The following SLC9A4 variants were observed in gnomAD, a reference collection of about 807,000 sequenced individuals.
SLC9A4 encodes sodium/hydrogen exchanger 4.
Under a neutral mutation model 67.4 loss-of-function variants are expected in SLC9A4, and 63 were observed. That is an observed-to-expected ratio of 0.93 (90% confidence interval 0.76 to 1.15). The LOEUF (loss-of-function observed/expected upper bound fraction) is 1.15, where lower values mean the gene tolerates loss of function less well. SLC9A4 is among the 50% of genes most tolerant of loss of function. SLC9A4 has a pLI of 0.00. For missense variants in SLC9A4, 1,089 were observed against 987.7 expected (o/e 1.10, Z -1.38); for synonymous variants, 393 against 367.2 (o/e 1.07, Z -0.80).
At chr2:102,529,836 C>T (rs1416373976) in intron 11 of SLC9A4, among the ~76,000 whole-genome samples, 4 of 152,168 alleles carry the variant, frequency 2.6e-5, no homozygotes, top group African/African-American at 9.7e-5. Context: ...CTTGGAGCTC[C>T]ATGCTGGTTT....
chr2:102,476,286 T>C (rs1684330849), intron 1 of SLC9A4, among the ~76,000 whole-genome samples: 1 of 152,250 alleles, frequency 6.6e-6, no homozygotes, highest in Non-Finnish European at 1.5e-5. Flanking sequence ...GGGAAGAACA[T>C]AATTGTAGGG....
chr2:102,491,984 A>G (rs2104423605), intron 2 of SLC9A4, among the ~76,000 whole-genome samples: 1 of 152,374 alleles, frequency 6.6e-6, no homozygotes, highest in East Asian at 1.9e-4. Flanking sequence ...TGCAAGTCCA[A>G]AATCCAGAAG....
intron 11 of SLC9A4, among the ~76,000 whole-genome samples, chr2:102,530,729 C>G (rs1420546953): frequency 6.6e-6 from 1 of 152,020 alleles, no homozygotes; most frequent in Non-Finnish European, 1.5e-5. Flanking sequence ...TGGTCCCAGG[C>G]CTTGTTGTAG....
intron 8 of SLC9A4, among the ~76,000 whole-genome samples, chr2:102,519,613 T>A (rs1232324332): frequency 4.6e-5 from 7 of 152,184 alleles, no homozygotes; most frequent in Non-Finnish European, 1.0e-4. Flanking sequence ...TTAGACCTTT[T>A]TAAAAAAATG....
chr2:102,479,466 A>T (rs1573325765), intron 2 of SLC9A4, among the ~76,000 whole-genome samples, 164 bp downstream of exon 2: 1 of 152,164 alleles, frequency 6.6e-6, no homozygotes, highest in Non-Finnish European at 1.5e-5. Context: ...TTTCCTTGGG[A>T]TCTGCACTGC....
At chr2:102,507,433 A>G (rs1001463839) in intron 4 of SLC9A4, among the ~76,000 whole-genome samples, 2 of 152,138 alleles carry the variant, frequency 1.3e-5, no homozygotes, top group African/African-American at 4.8e-5. Flanking sequence ...ATGAAAACCA[A>G]TGTGGTAGAA....
chr2:102,527,901 C>T (rs1015087691), intron 11 of SLC9A4, among the ~76,000 whole-genome samples: 2 of 151,890 alleles, frequency 1.3e-5, no homozygotes, highest in African/African-American at 2.4e-5. Flanking sequence ...TGCCTTTGCT[C>T]GTTTTTTGTT....
chr2:102,473,975 G>A lies in SLC9A4; in HGVS notation c.216G>A (p.Glu72=), dbSNP rs141912003. 5.0e-6 allele frequency: 8 copies of A among 1,613,864 alleles called. No homozygotes were observed. The highest frequency in any genetic ancestry group is 1.3e-5 in the African/African-American group (1 of 74,906). ...ATGACTATGTGCAAATTCCTTATGAGGTCACTCTCTGGATACTTCTAGCAT... is the reference window on the plus strand; with the variant it reads ...ATGACTATGTGCAAATTCCTTATGAAGTCACTCTCTGGATACTTCTAGCAT... The part of the protein sequence containing the change: ...LDYDYVQIPY[E]VTLWILLASL... The change falls in exon 1 of 12, where the codon GAG becomes GAA. Residue 72 remains glutamate (E), a synonymous_variant. Coordinates refer to ENST00000295269, the MANE Select transcript of SLC9A4 (RefSeq NM_001011552.4).
Position 102,532,583 on chromosome 2 carries a change from T to C in SLC9A4, c.2292T>C (p.Ser764=), listed in dbSNP as rs1337771910. ...AGGAGGGTGAGTCTGGAGGGGAGAG[T>C]GAGGGCAAGGCCTCTTTGGTTGAGG... The part of the protein sequence containing the change: ...VDEEGESGGE[S]EGKASLVEVR... Residue 764 remains serine (S), a synonymous_variant, in exon 12 of 12, where the codon AGT becomes AGC. Coordinates refer to ENST00000295269, the MANE Select transcript of SLC9A4 (RefSeq NM_001011552.4). 12 of 1,613,446 alleles carry C rather than the reference T, an allele frequency of 7.4e-6. No individual in the cohort carries two copies. Among genetic ancestry groups the C allele is most frequent in the Non-Finnish European group, 1.0e-5 (12 of 1,179,878 alleles).
chr2:102,497,310 C>T (rs1382375335), intron 2 of SLC9A4, among the ~76,000 whole-genome samples: 3 of 151,970 alleles, frequency 2.0e-5, no homozygotes, highest in Non-Finnish European at 4.4e-5. Context: ...AGCCATTGTA[C>T]TCCTAGGTAT....
chr2:102,525,267 C>T, intron 10 of SLC9A4, 112 bp downstream of exon 10: 1 of 1,484,166 alleles, frequency 6.7e-7, no homozygotes, highest in Non-Finnish European at 9.1e-7. Flanking sequence ...CTTAAACAAA[C>T]AAAACCCCAC....
rs1674629710 is a variant in SLC9A4 at position 102,525,063 on chromosome 2, A to G, written c.1858A>G (p.Ser620Gly). The part of the protein sequence containing the change: ...YNKYNLKPQT[S>G]EKQAKEILIR... ...CAAATACAACCTCAAACCCCAAACA[A>G]GTGAGAAGCAGGCTAAAGAGATTCT... is the stretch of plus-strand genomic sequence containing the variant. Residue 620 changes from serine to glycine, a missense_variant, in exon 10 of 12, where the codon AGT (serine) becomes GGT (glycine). By Grantham distance (56) the Ser-to-Gly change is moderately conservative (BLOSUM62 0). Transcript: ENST00000295269. 3 of 1,614,112 alleles carry G rather than the reference A, an allele frequency of 1.9e-6. No homozygotes were observed. Among genetic ancestry groups the G allele is most frequent in the African/African-American group, 1.3e-5 (1 of 75,044 alleles).
intron 10 of SLC9A4, among the ~76,000 whole-genome samples, chr2:102,525,833 G>T (rs577156274): frequency 2.0e-5 from 3 of 152,054 alleles, no homozygotes; most frequent in Non-Finnish European, 2.9e-5. Context: ...AAAACTAAAA[G>T]CCAGTAATCC....
intron 2 of SLC9A4, among the ~76,000 whole-genome samples, chr2:102,483,220 T>C (rs906589060): frequency 1.3e-5 from 2 of 152,216 alleles, no homozygotes; most frequent in Non-Finnish European, 2.9e-5. Flanking sequence ...GGCCACTCTG[T>C]GGTCACCCAC....
At chr2:102,518,555 C>T (rs551859610) in intron 8 of SLC9A4, among the ~76,000 whole-genome samples, 2 of 152,194 alleles carry the variant, frequency 1.3e-5, no homozygotes, top group South Asian at 2.1e-4. Flanking sequence ...AAACTGATTT[C>T]GATCAGTTTA....
intron 9 of SLC9A4, among the ~76,000 whole-genome samples, chr2:102,524,376 T>C (rs1674614334): frequency 6.6e-6 from 1 of 152,240 alleles, no homozygotes; most frequent in African/African-American, 2.4e-5. Flanking sequence ...GACTGACTAA[T>C]GTTGGCCTAG....
At chr2:102,508,659 T>C (rs1314685526) in intron 5 of SLC9A4, among the ~76,000 whole-genome samples, 188 bp from the exon 6 acceptor site, 2 of 152,250 alleles carry the variant, frequency 1.3e-5, no homozygotes, top group African/African-American at 4.8e-5. Flanking sequence ...CATACAGGCA[T>C]GATATCTATT....
At chr2:102,482,383 T>C (rs967466533) in intron 2 of SLC9A4, among the ~76,000 whole-genome samples, 1 of 152,146 alleles carries the variant, frequency 6.6e-6, no homozygotes, top group African/African-American at 2.4e-5. Flanking sequence ...TGAGAGAAAC[T>C]GATATATGTT....
At chr2:102,488,580 G>T (rs1335242866) in intron 2 of SLC9A4, among the ~76,000 whole-genome samples, 1 of 138,100 alleles carries the variant, frequency 7.2e-6, no homozygotes, top group Non-Finnish European at 1.5e-5. Context: ...ACGGAGTCTC[G>T]CTCTGTTGCC....
Sources: allele counts gnomAD v4.1 joint callset (sites outside exome capture counted in the v4.1 genomes callset), GRCh38; gene constraint gnomAD v4.1.1; transcripts MANE v1.5; gene names NCBI Gene and HGNC (gene_info 2026-07-23, HGNC 2026-07-21).